PCDH15: variants seen among roughly 807,000 people sequenced by gnomAD.
The protein encoded by PCDH15 is protocadherin related 15.
A neutral mutation model predicts 178.5 loss-of-function variants in PCDH15; 129 were observed. That is an observed-to-expected ratio of 0.72 (90% confidence interval 0.63 to 0.84). PCDH15 has a LOEUF of 0.84. PCDH15 is among the 40% of genes least tolerant of loss of function. The pLI is 0.00. For synonymous variants in PCDH15, 800 were observed against 732.0 expected, an observed-to-expected ratio of 1.09 and a Z score of -1.50; for missense variants, 2,230 against 2,099.9, an observed-to-expected ratio of 1.06 and a Z score of -1.21.
At chr10:55,389,996 T>A (rs1329200155) in intron 2 of PCDH15, among the ~76,000 whole-genome samples, 1 of 152,134 alleles carries the variant, frequency 6.6e-6, no homozygotes, top group African/African-American at 2.4e-5. Flanking sequence ...TAGGAGCAGA[T>A]TACAAAGAGT....
intron 18 of PCDH15, among the ~76,000 whole-genome samples, chr10:54,038,849 A>G (rs2093476884): frequency 6.6e-6 from 1 of 152,010 alleles, no homozygotes; most frequent in East Asian, 1.9e-4. Flanking sequence ...ACATACACAC[A>G]TATATTAAAT....
intron 2 of PCDH15, among the ~76,000 whole-genome samples, chr10:55,352,651 T>C (rs1844967740): frequency 6.6e-6 from 1 of 151,992 alleles, no homozygotes; most frequent in Non-Finnish European, 1.5e-5. Flanking sequence ...TGAGCGAAAA[T>C]CAAAAAAGTC....
At chr10:55,035,327 A>G (rs751282820) in intron 2 of PCDH15, among the ~76,000 whole-genome samples, 2 of 152,124 alleles carry the variant, frequency 1.3e-5, no homozygotes, top group South Asian at 2.1e-4. Flanking sequence ...CCCTGTCCCA[A>G]ATAAAAACTT....
chr10:55,576,560 G>A (rs1055096598), intron 2 of PCDH15, among the ~76,000 whole-genome samples: 2 of 152,122 alleles, frequency 1.3e-5, no homozygotes, highest in Non-Finnish European at 2.9e-5. Flanking sequence ...ATGGGGTAAT[G>A]GTCAAATTTT....
chr10:54,571,180 G>A (rs1334773074), intron 2 of PCDH15, among the ~76,000 whole-genome samples: 1 of 152,046 alleles, frequency 6.6e-6, no homozygotes, highest in African/African-American at 2.4e-5. Flanking sequence ...AAATTTGAAC[G>A]AGGAGAAACT....
intron 2 of PCDH15, among the ~76,000 whole-genome samples, chr10:54,593,547 C>A (rs11004400): frequency 0.018 from 2,686 of 152,164 alleles, 81 homozygotes; most frequent in African/African-American, 0.062. Context: ...TGTTTTTATG[C>A]AAATTCCACA....
intron 2 of PCDH15, among the ~76,000 whole-genome samples, chr10:55,483,779 G>T (rs758063368): frequency 6.1e-5 from 9 of 147,650 alleles, no homozygotes; most frequent in Non-Finnish European, 1.3e-4. Context: ...TCATGCCACT[G>T]TAGTACAGCC....
chr10:54,641,684 C>T (rs1302346029), intron 2 of PCDH15, among the ~76,000 whole-genome samples: 2 of 151,680 alleles, frequency 1.3e-5, no homozygotes, highest in African/African-American at 4.8e-5. Context: ...AGCTCCACTT[C>T]CACCTGCTTA....
At chr10:53,845,901 T>C (rs1416206230) in intron 28 of PCDH15, among the ~76,000 whole-genome samples, 2 of 151,724 alleles carry the variant, frequency 1.3e-5, no homozygotes, top group African/African-American at 4.8e-5. Context: ...AAGAAAAATA[T>C]TGGAGTTGAT....
rs117522607 is a variant in PCDH15, at chr10:54,687,331, C to T, written c.-28-23041G>A. ...CATTTATCCAAAAGAATCAAAATTA[C>T]ACTCTCAGATACAATCATATACTAG... On this transcript the variant is annotated intron_variant, in intron 1 of 37. Transcript: ENST00000644397. Among the ~76,000 whole-genome samples the T allele has an allele frequency of 6.3e-3, 962 of 152,182 alleles. 11 individuals are homozygous for T. Among genetic ancestry groups the T allele is most frequent in the Non-Finnish European group, 0.01 (683 of 67,984 alleles).
At chr10:54,941,626 T>A (rs1838065000) in intron 2 of PCDH15, among the ~76,000 whole-genome samples, 1 of 152,146 alleles carries the variant, frequency 6.6e-6, no homozygotes, top group Non-Finnish European at 1.5e-5. Flanking sequence ...TTTTAACATG[T>A]GCATGATCAT....
At chr10:54,616,797 G>C (rs943632801) in intron 2 of PCDH15, among the ~76,000 whole-genome samples, 1 of 151,924 alleles carries the variant, frequency 6.6e-6, no homozygotes, top group Non-Finnish European at 1.5e-5. Context: ...TCAGCTACAT[G>C]GAGGCTATAT....
In PCDH15 at chr10:53,903,330, A is replaced by G. The variant is rs2133666487; in HGVS notation, c.3414T>C (p.Asn1138=). The G allele has an allele frequency of 6.2e-7, 1 of 1,613,112 alleles. No homozygotes were observed. The highest frequency in any genetic ancestry group is 8.5e-7 in the Non-Finnish European group (1 of 1,179,462). The change falls in exon 26 of 38, where the codon AAT becomes AAC. Residue 1138 remains asparagine, a synonymous_variant. Transcript: ENST00000644397. ...TTTTCTGAAACACTGGGGGATGATT[A>G]TTTTCATCCTGAATCTCAATGTATA... ...AKVYIEIQDE[N]NHPPVFQKKF... is the part of the protein sequence containing the mutation.
At chr10:53,911,128 G>A (rs1235268409) in intron 25 of PCDH15, among the ~76,000 whole-genome samples, 1 of 152,100 alleles carries the variant, frequency 6.6e-6, no homozygotes, top group Non-Finnish European at 1.5e-5. Flanking sequence ...AACCTAGCAA[G>A]GCAGGCCAAC....
intron 2 of PCDH15, among the ~76,000 whole-genome samples, chr10:55,071,868 G>T (rs961307926): frequency 3.0e-4 from 45 of 152,106 alleles, no homozygotes; most frequent in Admixed American, 7.9e-4. Context: ...CTCAGCCAAT[G>T]TGAAAGAACA....
intron 3 of PCDH15, among the ~76,000 whole-genome samples, chr10:54,827,090 A>C (rs1319581287): frequency 6.6e-6 from 1 of 152,096 alleles, no homozygotes; most frequent in Non-Finnish European, 1.5e-5. Flanking sequence ...GTTGTAGGGA[A>C]TGGAGGCCAG....
At chr10:55,345,957 T>G (rs965297498) in intron 2 of PCDH15, among the ~76,000 whole-genome samples, 1 of 152,084 alleles carries the variant, frequency 6.6e-6, no homozygotes, top group Non-Finnish European at 1.5e-5. Flanking sequence ...AATTAACCTA[T>G]GAACAAACAC....
At chr10:55,120,829 T>C (rs1265307918) in intron 2 of PCDH15, among the ~76,000 whole-genome samples, 7 of 152,154 alleles carry the variant, frequency 4.6e-5, no homozygotes, top group Non-Finnish European at 8.8e-5. Context: ...TAAATCTTCA[T>C]GGCGTTTGCA....
At chr10:53,978,285 G>A (rs2090352334) in intron 21 of PCDH15, among the ~76,000 whole-genome samples, 1 of 152,158 alleles carries the variant, frequency 6.6e-6, no homozygotes, top group South Asian at 2.1e-4. Context: ...AATCTAGGCA[G>A]AGGTTCCTAA....
Sources: gnomAD v4.1 joint callset for allele counts (sites outside exome capture counted in the v4.1 genomes callset) on GRCh38, gnomAD v4.1.1 for gene constraint, MANE v1.5 for transcripts, NCBI Gene and HGNC (gene_info 2026-07-23, HGNC 2026-07-21) for gene names.